The following NDST4 variants were observed in gnomAD, a reference collection of about 807,000 sequenced individuals.
NDST4 encodes the protein N-heparan sulfate sulfotransferase 4.
NDST4 carries 63 observed loss-of-function variants against 100.8 expected under a neutral mutation model. That is an observed-to-expected ratio of 0.62 (90% confidence interval 0.51 to 0.77). NDST4 has a LOEUF of 0.77. Among genes scored for constraint, NDST4 ranks in the 30% least tolerant of loss-of-function variants. The pLI, the probability that NDST4 is intolerant of heterozygous loss-of-function variation, is 0.00. For missense variants in NDST4, 943 were observed against 1,018.4 expected (o/e 0.93, Z 1.01); for synonymous variants, 377 against 361.8 (o/e 1.04, Z -0.48).
intron 2 of NDST4, among the ~76,000 whole-genome samples, chr4:115,041,659 T>C (rs1728354015): frequency 6.6e-6 from 1 of 152,136 alleles, no homozygotes; most frequent in Non-Finnish European, 1.5e-5. Context: ...AGACCTTTGA[T>C]ATCTTTCTCC....
chr4:114,986,830 A>ATTTATT (rs1221108713), intron 2 of NDST4, among the ~76,000 whole-genome samples: 76 of 91,962 alleles, frequency 8.3e-4, no homozygotes, highest in African/African-American at 3.1e-3. Flanking sequence ...ATATATATAT[A>ATTTATT]TATTTTAATA....
At chr4:115,084,612 C>T (rs114430453) in intron 1 of NDST4, among the ~76,000 whole-genome samples, 1,812 of 152,294 alleles carry the variant, frequency 0.012, 34 homozygotes, top group African/African-American at 0.041. Context: ...GTGCCTCAGG[C>T]TACTCCAGCT....
intron 2 of NDST4, among the ~76,000 whole-genome samples, chr4:115,013,130 A>G (rs1372237907): frequency 6.6e-6 from 1 of 151,386 alleles, no homozygotes; most frequent in Non-Finnish European, 1.5e-5. Flanking sequence ...GAGAATGAAT[A>G]AGATCTAGTA....
intron 6 of NDST4, among the ~76,000 whole-genome samples, chr4:114,905,354 G>A (rs1384707935): frequency 6.6e-6 from 1 of 151,614 alleles, no homozygotes; most frequent in African/African-American, 2.4e-5. Flanking sequence ...TGTTAATGGG[G>A]ATTTCTTAAC....
intron 1 of NDST4, among the ~76,000 whole-genome samples, chr4:115,106,058 C>G (rs1436552388): frequency 1.3e-5 from 2 of 151,938 alleles, no homozygotes; most frequent in East Asian, 3.9e-4. Flanking sequence ...AAATGGGGAG[C>G]GCTGACACAC....
At chr4:115,111,175 T>G (rs1251828921) in intron 1 of NDST4, among the ~76,000 whole-genome samples, 1 of 152,104 alleles carries the variant, frequency 6.6e-6, no homozygotes, top group East Asian at 1.9e-4. Flanking sequence ...CATATGAACA[T>G]TTAACCTACT....
At position 114,836,299 on chromosome 4, in the gene NDST4, C is replaced by T. The variant is rs146937846; in HGVS notation, c.2287-2584G>A. Among the ~76,000 whole-genome samples, 757 of 152,274 alleles carry T rather than the reference C, an allele frequency of 5.0e-3. 4 individuals carry two copies. Among genetic ancestry groups the T allele is most frequent in the Non-Finnish European group, 7.2e-3 (493 of 68,036 alleles). Reference sequence around the variant, plus strand: ...GCTTCTGTCAGGAGCTCTTGTAAGGCAGGCCTGGTGGTGACAAAATCCCTC... The same window carrying T: ...GCTTCTGTCAGGAGCTCTTGTAAGGTAGGCCTGGTGGTGACAAAATCCCTC... On this transcript the variant is annotated intron_variant, in intron 11 of 13. Transcript: ENST00000264363.
At chr4:114,924,680 C>T (rs183899975) in intron 6 of NDST4, among the ~76,000 whole-genome samples, 247 of 152,114 alleles carry the variant, frequency 1.6e-3, no homozygotes, top group African/African-American at 5.7e-3. Flanking sequence ...AATAAATACC[C>T]CTGAGTTCCG....
chr4:115,104,642 T>C (rs1729801081), intron 1 of NDST4, among the ~76,000 whole-genome samples: 1 of 152,134 alleles, frequency 6.6e-6, no homozygotes, highest in Non-Finnish European at 1.5e-5. Flanking sequence ...TTTTGAATGT[T>C]AGTTAATTTT....
chr4:115,024,934 T>C (rs188795793), intron 2 of NDST4, among the ~76,000 whole-genome samples: 1 of 152,286 alleles, frequency 6.6e-6, no homozygotes, highest in African/African-American at 2.4e-5. Flanking sequence ...GTTAGAAATC[T>C]TGGGAGTGAT....
chr4:114,883,770 G>T (rs532032660), intron 6 of NDST4, among the ~76,000 whole-genome samples: 6 of 152,070 alleles, frequency 3.9e-5, no homozygotes, highest in Non-Finnish European at 8.8e-5. Context: ...AGTAGGGAAT[G>T]GTTTCGGATG....
Position 114,937,512 on chromosome 4 carries a change from A to C in NDST4, c.1222-9T>G. 3 of 1,532,622 alleles carry C rather than the reference A, an allele frequency of 2.0e-6. No homozygotes were observed. The highest frequency in any genetic ancestry group is 2.6e-6 in the Non-Finnish European group (3 of 1,141,464). 94.9% of individuals were successfully genotyped at this position (1,532,622 alleles called of 1,614,324 possible). A position where few individuals can be genotyped will look rare whatever the true frequency, so the allele number is the denominator to read the frequency against. ...ATTGGTATTCCATGTTCCTAAAACAAAGCCAGAACAACATCATGATGGGAC... is the reference window on the plus strand; with the variant it reads ...ATTGGTATTCCATGTTCCTAAAACACAGCCAGAACAACATCATGATGGGAC... On this transcript the variant is annotated splice_polypyrimidine_tract_variant and intron_variant, in intron 4 of 13. Coordinates refer to ENST00000264363, the MANE Select transcript of NDST4 (RefSeq NM_022569.3).
intron 3 of NDST4, among the ~76,000 whole-genome samples, chr4:114,975,603 T>G (rs1369166578): frequency 6.6e-6 from 1 of 152,130 alleles, no homozygotes; most frequent in Non-Finnish European, 1.5e-5. Context: ...TCTACAACAT[T>G]AACTTTGCAA....
chr4:115,053,105 T>A (rs1320528145), intron 2 of NDST4, among the ~76,000 whole-genome samples: 1 of 152,154 alleles, frequency 6.6e-6, no homozygotes, highest in East Asian at 1.9e-4. Context: ...AGCACCACAA[T>A]ATGTTATGGG....
intron 4 of NDST4, among the ~76,000 whole-genome samples, chr4:114,969,328 A>G (rs867413166): frequency 0.02 from 2,931 of 148,124 alleles, 22 homozygotes; most frequent in Middle Eastern, 0.047. Context: ...AAAGAAAAAA[A>G]AAAAAAAAAA....
chr4:114,833,597 T>A lies in NDST4; in HGVS notation c.2396+9A>T. The A allele has an allele frequency of 6.5e-7, 1 of 1,546,820 alleles. No individual in the cohort carries two copies. The highest frequency in any genetic ancestry group is 8.9e-7 in the Non-Finnish European group (1 of 1,119,546). On this transcript the variant is annotated intron_variant, in intron 12 of 13. Coordinates refer to ENST00000264363, the MANE Select transcript of NDST4 (RefSeq NM_022569.3). ...ATGGAAATGAAATCAAGCATGACAA[T>A]AGACTCACGTTAGTGCTTCAGAGTA... is the stretch of plus-strand genomic sequence containing the variant.
intron 4 of NDST4, among the ~76,000 whole-genome samples, chr4:114,955,326 C>A (rs1726113945): frequency 6.6e-6 from 1 of 152,004 alleles, no homozygotes; most frequent in Non-Finnish European, 1.5e-5. Context: ...GAGTAAGTAG[C>A]AACTACAGGA....
At chr4:115,098,329 G>A (rs1024485786) in intron 1 of NDST4, among the ~76,000 whole-genome samples, 1 of 152,150 alleles carries the variant, frequency 6.6e-6, no homozygotes, top group Non-Finnish European at 1.5e-5. Flanking sequence ...ATACTTCGAT[G>A]TGAAGACTGA....
chr4:114,887,212 A>G (rs1724497314), intron 6 of NDST4, among the ~76,000 whole-genome samples: 1 of 152,194 alleles, frequency 6.6e-6, no homozygotes, highest in African/African-American at 2.4e-5. Flanking sequence ...GACCTTTAAG[A>G]ATATCTGGGT....
Sources: gnomAD v4.1 joint callset for allele counts (sites outside exome capture counted in the v4.1 genomes callset) on GRCh38, gnomAD v4.1.1 for gene constraint, MANE v1.5 for transcripts, NCBI Gene and HGNC (gene_info 2026-07-23, HGNC 2026-07-21) for gene names.